SCN10A: variants seen among roughly 807,000 people sequenced by gnomAD.
SCN10A encodes sodium voltage-gated channel alpha subunit 10.
A neutral mutation model predicts 170.7 loss-of-function variants in SCN10A; 162 were observed. That is an observed-to-expected ratio of 0.95 (90% CI 0.84 to 1.08). The LOEUF is 1.08. SCN10A is among the 50% of genes least tolerant of loss of function. SCN10A has a pLI of 0.00. For synonymous variants in SCN10A, 985 were observed against 904.6 expected (o/e 1.09, Z -1.59); for missense variants, 2,527 against 2,436.9 (o/e 1.04, Z -0.78).
intron 3 of SCN10A, among the ~76,000 whole-genome samples, chr3:38,789,805 A>G (rs2064257185): frequency 6.6e-6 from 1 of 152,096 alleles, no homozygotes; most frequent in African/African-American, 2.4e-5. Flanking sequence ...GTGGAAGGGG[A>G]AAATAGAAGG....
At chr3:38,790,210 T>C (rs2064263479) in intron 3 of SCN10A, among the ~76,000 whole-genome samples, 1 of 152,132 alleles carries the variant, frequency 6.6e-6, no homozygotes, top group Non-Finnish European at 1.5e-5. Flanking sequence ...ATATCTTATG[T>C]ATAATATTAG....
intron 13 of SCN10A, among the ~76,000 whole-genome samples, chr3:38,746,589 G>A (rs2063693337): frequency 6.6e-6 from 1 of 152,098 alleles, no homozygotes; most frequent in Non-Finnish European, 1.5e-5. Context: ...TATCCTTAAT[G>A]CAGTCTAGGA....
intron 4 of SCN10A, among the ~76,000 whole-genome samples, chr3:38,772,339 G>A (rs1263283155): frequency 2.6e-4 from 35 of 132,162 alleles, no homozygotes; most frequent in African/African-American, 9.4e-4. Flanking sequence ...AAAAAAAAAA[G>A]AAAAGAAAAG....
intron 11 of SCN10A, among the ~76,000 whole-genome samples, chr3:38,753,011 A>G (rs948709553): frequency 6.6e-6 from 1 of 152,324 alleles, no homozygotes; most frequent in East Asian, 1.9e-4. Flanking sequence ...TCCCATCTGT[A>G]TGAATGTGAG....
At chr3:38,772,595 G>C in intron 4 of SCN10A, among the ~76,000 whole-genome samples, 2 of 152,060 alleles carry the variant, frequency 1.3e-5, no homozygotes, top group Admixed American at 1.3e-4. Context: ...AGGCTGAGGC[G>C]GGAGAATGGC....
chr3:38,807,752 A>G (rs1008765014), intron 1 of SCN10A, among the ~76,000 whole-genome samples: 1 of 152,012 alleles, frequency 6.6e-6, no homozygotes, highest in African/African-American at 2.4e-5. Flanking sequence ...CTCCCCTATA[A>G]ATTGGTTGCT....
intron 4 of SCN10A, among the ~76,000 whole-genome samples, chr3:38,783,187 T>C (rs1575175619): frequency 6.6e-6 from 1 of 152,180 alleles, no homozygotes; most frequent in South Asian, 2.1e-4. Context: ...GGGGGGTTTG[T>C]TTCAACATTT....
intron 1 of SCN10A, among the ~76,000 whole-genome samples, chr3:38,815,451 C>A (rs1271946649): frequency 6.6e-6 from 1 of 152,164 alleles, no homozygotes; most frequent in Non-Finnish European, 1.5e-5. Context: ...AAAAAGTTCT[C>A]CACTTTATTC....
chr3:38,784,247 TCC>T (rs1482978922), intron 4 of SCN10A, among the ~76,000 whole-genome samples: 2 of 151,936 alleles, frequency 1.3e-5, no homozygotes, highest in Non-Finnish European at 2.9e-5. Flanking sequence ...ATAAAGATAT[TCC>T]TCTTTGTTTT....
intron 4 of SCN10A, among the ~76,000 whole-genome samples, chr3:38,776,208 G>T (rs12490478): frequency 0.65 from 98,249 of 151,882 alleles, 32,049 homozygotes; most frequent in Admixed American, 0.77. Flanking sequence ...TTTTTGTCTG[G>T]TTTTGGGAGA....
At chr3:38,791,781 C>A (rs1253598117) in intron 3 of SCN10A, among the ~76,000 whole-genome samples, 9 of 152,168 alleles carry the variant, frequency 5.9e-5, no homozygotes, top group Admixed American at 5.9e-4. Context: ...GGATGTTTTT[C>A]AAGTTGTGCA....
rs1181759782 is a variant in SCN10A, at chr3:38,713,977, G to A, written c.3785C>T (p.Ser1262Phe). ...ACTTACCCGCATGCCTTCAAATCGA[G>A]AAAGAGCCCGCAGTGGCCGCAGAGC... Reference protein sequence around the residue: ...LRALRPLRALSRFEGMRVVVD... With the variant: ...LRALRPLRALFRFEGMRVVVD... Residue 1262 changes from serine to phenylalanine, a missense_variant, in exon 22 of 28, where the codon TCT (serine) becomes TTT (phenylalanine). Ser to Phe is a radical substitution (Grantham distance 155). Transcript: ENST00000449082. 1 of 1,613,658 alleles carries A rather than the reference G, an allele frequency of 6.2e-7. No individual in the cohort carries two copies. The highest frequency in any genetic ancestry group is 8.5e-7 in the Non-Finnish European group (1 of 1,180,048).
chr3:38,794,679 G>T (rs577828656), intron 1 of SCN10A, among the ~76,000 whole-genome samples: 2 of 152,216 alleles, frequency 1.3e-5, no homozygotes, highest in South Asian at 4.1e-4. Flanking sequence ...AAATCCCAAG[G>T]CTAAGTCAAT....
chr3:38,770,782 C>T (rs2063989599), intron 5 of SCN10A, among the ~76,000 whole-genome samples: 1 of 152,174 alleles, frequency 6.6e-6, no homozygotes, highest in African/African-American at 2.4e-5. Context: ...CATCCTGTGA[C>T]CCCTCCCTGA....
intron 8 of SCN10A, among the ~76,000 whole-genome samples, chr3:38,758,142 C>G (rs1367652928): frequency 1.3e-5 from 2 of 152,300 alleles, no homozygotes; most frequent in East Asian, 3.9e-4. Flanking sequence ...TCCCAGACAT[C>G]CATGTGAACA....
intron 13 of SCN10A, among the ~76,000 whole-genome samples, chr3:38,745,919 G>T (rs2063681101): frequency 6.6e-6 from 1 of 151,348 alleles, no homozygotes; most frequent in Non-Finnish European, 1.5e-5. Flanking sequence ...CATTTAGTTT[G>T]TTAGAACTGT....
At chr3:38,773,809 G>C (rs1031608791) in intron 4 of SCN10A, among the ~76,000 whole-genome samples, 6 of 152,176 alleles carry the variant, frequency 3.9e-5, no homozygotes. Flanking sequence ...GAAGATGAGG[G>C]TGAGAGGAAA....
chr3:38,774,966 T>G (rs2064054374), intron 4 of SCN10A, among the ~76,000 whole-genome samples: 1 of 152,204 alleles, frequency 6.6e-6, no homozygotes, highest in Admixed American at 6.5e-5. Flanking sequence ...AGCATTGGGA[T>G]CTGGGAGCAG....
At chr3:38,780,204 C>A (rs1012047144) in intron 4 of SCN10A, among the ~76,000 whole-genome samples, 7 of 151,856 alleles carry the variant, frequency 4.6e-5, no homozygotes, top group African/African-American at 1.2e-4. Flanking sequence ...AGATTACTAT[C>A]GTCTTTAATA....
Sources: gnomAD v4.1 joint callset for allele counts (sites outside exome capture counted in the v4.1 genomes callset) on GRCh38, gnomAD v4.1.1 for gene constraint, MANE v1.5 for transcripts, NCBI Gene and HGNC (gene_info 2026-07-23, HGNC 2026-07-21) for gene names.